Variants in EYS observed in about 807,000 individuals in gnomAD.
The protein encoded by EYS is protein eyes shut homolog.
In EYS, 250 loss-of-function variants were observed where a neutral mutation model predicts 282.1. The ratio of observed to expected loss-of-function variants is 0.89; its 90% confidence interval spans 0.80 to 0.98. EYS has a LOEUF of 0.98. Ranked by LOEUF, EYS falls within the 50% of genes least tolerant of loss-of-function variation. EYS has a pLI of 0.00. For missense variants in EYS, 4,016 were observed against 3,709.0 expected, an observed-to-expected ratio of 1.08 and a Z score of -2.15; for synonymous variants, 1,355 against 1,282.9, an observed-to-expected ratio of 1.06 and a Z score of -1.20.
intron 29 of EYS, among the ~76,000 whole-genome samples, chr6:64,309,986 T>C (rs1582575503): frequency 7.1e-6 from 1 of 140,722 alleles, no homozygotes; most frequent in African/African-American, 2.7e-5. Context: ...ATGCTCAACA[T>C]CACTAATTAA....
At chr6:64,444,064 C>A (rs1208919262) in intron 26 of EYS, among the ~76,000 whole-genome samples, 1 of 151,978 alleles carries the variant, frequency 6.6e-6, no homozygotes, top group Non-Finnish European at 1.5e-5. Flanking sequence ...GAGTACTATT[C>A]CACCATGACA....
At chr6:65,461,840 G>A (rs962375474) in intron 5 of EYS, among the ~76,000 whole-genome samples, 1 of 152,042 alleles carries the variant, frequency 6.6e-6, no homozygotes, top group Admixed American at 6.6e-5. Flanking sequence ...TTTACTGATA[G>A]GAAGTAGTAT....
At chr6:64,202,234 T>A (rs1765478929) in intron 31 of EYS, among the ~76,000 whole-genome samples, 1 of 152,152 alleles carries the variant, frequency 6.6e-6, no homozygotes, top group Non-Finnish European at 1.5e-5. Flanking sequence ...ACTGCTCAGA[T>A]CAATCCCTGG....
intron 12 of EYS, among the ~76,000 whole-genome samples, chr6:65,245,476 T>C (rs964717211): frequency 3.3e-5 from 5 of 152,122 alleles, no homozygotes. Context: ...ATACATGTAA[T>C]TGTATAACAC....
chr6:63,995,873 T>C (rs1582099122), intron 34 of EYS, among the ~76,000 whole-genome samples: 2 of 152,104 alleles, frequency 1.3e-5, no homozygotes, highest in East Asian at 3.9e-4. Context: ...GAATAAATTT[T>C]GGTGATCTAT....
chr6:65,427,736 T>C (rs1018193824), intron 5 of EYS, among the ~76,000 whole-genome samples: 11 of 152,054 alleles, frequency 7.2e-5, no homozygotes, highest in African/African-American at 2.4e-4. Flanking sequence ...TCACCATCTG[T>C]AATAAAAATT....
At chr6:65,051,186 CTT>C (rs1454313169) in intron 13 of EYS, among the ~76,000 whole-genome samples, 1 of 151,448 alleles carries the variant, frequency 6.6e-6, no homozygotes, top group Non-Finnish European at 1.5e-5. Context: ...CTACTGAAAA[CTT>C]TTATATTTTA....
At chr6:65,527,675 C>T (rs756644751) in intron 2 of EYS, among the ~76,000 whole-genome samples, 8 of 152,116 alleles carry the variant, frequency 5.3e-5, no homozygotes, top group African/African-American at 1.2e-4. Flanking sequence ...TATAATTGGA[C>T]GCTGTCTTTG....
intron 22 of EYS, among the ~76,000 whole-genome samples, chr6:64,788,530 C>A (rs1358536551): frequency 6.6e-6 from 1 of 152,088 alleles, no homozygotes; most frequent in African/African-American, 2.4e-5. Flanking sequence ...ATGTTTGTTG[C>A]GTGAGACGTG....
At chr6:64,355,114 T>C (rs1225172867) in intron 29 of EYS, among the ~76,000 whole-genome samples, 1 of 151,554 alleles carries the variant, frequency 6.6e-6, no homozygotes, top group Non-Finnish European at 1.5e-5. Flanking sequence ...TTAATGTGCA[T>C]ACTATATCAA....
intron 31 of EYS, among the ~76,000 whole-genome samples, chr6:64,178,356 G>A (rs1034369139): frequency 4.6e-5 from 7 of 152,072 alleles, no homozygotes; most frequent in African/African-American, 1.7e-4. Context: ...CCTTGGTTTA[G>A]TTATATGAAG....
chr6:64,601,941 C>T (rs1766774046), intron 24 of EYS, among the ~76,000 whole-genome samples: 1 of 152,008 alleles, frequency 6.6e-6, no homozygotes, highest in Non-Finnish European at 1.5e-5. Context: ...TATGCTGATA[C>T]ATCTGACAGC....
chr6:65,004,761 A>G (rs1406903536), intron 13 of EYS, among the ~76,000 whole-genome samples: 1 of 147,292 alleles, frequency 6.8e-6, no homozygotes, highest in Admixed American at 6.7e-5. Flanking sequence ...TTTATTCTCT[A>G]TTCTCTTCCA....
intron 31 of EYS, among the ~76,000 whole-genome samples, chr6:64,109,914 G>A (rs919154447): frequency 1.3e-5 from 2 of 152,062 alleles, no homozygotes; most frequent in African/African-American, 4.8e-5. Context: ...ATAAGGGAAA[G>A]TTTGAAAGTT....
At chr6:64,249,615 G>A (rs765071832) in intron 30 of EYS, among the ~76,000 whole-genome samples, 2 of 152,096 alleles carry the variant, frequency 1.3e-5, no homozygotes, top group East Asian at 3.9e-4. Flanking sequence ...CAACAAGAGA[G>A]AAATTTTTCC....
At chr6:65,424,999 T>C (rs1281962451) in intron 5 of EYS, among the ~76,000 whole-genome samples, 1 of 152,054 alleles carries the variant, frequency 6.6e-6, no homozygotes, top group East Asian at 1.9e-4. Context: ...TTGCAGACAT[T>C]TATAATGAAT....
intron 22 of EYS, among the ~76,000 whole-genome samples, chr6:64,790,380 A>C (rs1774153451): frequency 6.6e-6 from 1 of 151,960 alleles, no homozygotes; most frequent in East Asian, 1.9e-4. Context: ...TATTTATAGC[A>C]TTTAAATGAT....
chr6:64,979,208 G>A (rs1037729604), intron 14 of EYS, among the ~76,000 whole-genome samples: 1 of 151,770 alleles, frequency 6.6e-6, no homozygotes, highest in African/African-American at 2.4e-5. Flanking sequence ...CTTTATTGCA[G>A]TAGACTAGAA....
intron 1 of EYS, among the ~76,000 whole-genome samples, chr6:65,669,750 G>C (rs1327145085): frequency 6.6e-6 from 1 of 151,824 alleles, no homozygotes; most frequent in Admixed American, 6.6e-5. Context: ...TACTATCATT[G>C]TGTAAAAACT....
Sources: allele counts gnomAD v4.1 joint callset (sites outside exome capture counted in the v4.1 genomes callset), GRCh38; gene constraint gnomAD v4.1.1; transcripts MANE v1.5; gene names NCBI Gene and HGNC (gene_info 2026-07-23, HGNC 2026-07-21).